ZC3H4: variants seen among roughly 807,000 people sequenced by gnomAD.
ZC3H4 encodes the protein zinc finger CCCH domain-containing protein 4.
A neutral mutation model predicts 108.3 loss-of-function variants in ZC3H4; 13 were observed. The ratio of observed to expected loss-of-function variants is 0.12; its 90% confidence interval spans 0.08 to 0.19. The LOEUF is 0.19. Among genes scored for constraint, ZC3H4 ranks in the 10% least tolerant of loss-of-function variants. The pLI is 1.00. For missense variants in ZC3H4, 1,734 were observed against 1,838.8 expected (o/e 0.94, Z 1.04); for synonymous variants, 917 against 749.6 (o/e 1.22, Z -3.65).
rs138151852 is a variant in ZC3H4, at chr19:47,090,172, G to A, written c.510C>T (p.Pro170=). 5 of 1,614,208 alleles carry A rather than the reference G, an allele frequency of 3.1e-6. No homozygotes were observed. Among genetic ancestry groups the A allele is most frequent in the African/African-American group, 1.3e-5 (1 of 75,052 alleles). The stretch of plus-strand genomic sequence containing the variant: ...TGGGCAGGGGCGTGGCATGCGATGG[G>A]GGGTACTGCTGGTGGGACTGCGTCC... ...PPYAPSHQQY[P]PSHATPLPKK... is the part of the protein sequence containing the mutation. Residue 170 remains proline, a synonymous_variant, in exon 5 of 15, where the codon CCC becomes CCT. Transcript: ENST00000253048.
intron 2 of ZC3H4, among the ~76,000 whole-genome samples, chr19:47,100,881 A>G (rs1568565474): frequency 6.6e-6 from 1 of 151,956 alleles, no homozygotes; most frequent in African/African-American, 2.4e-5. Context: ...TATTTTTAGT[A>G]GAAACAGGGT....
intron 13 of ZC3H4, 35 bp from the exon 14 acceptor site, chr19:47,069,378 A>G (rs1407595893): frequency 2.5e-6 from 4 of 1,597,172 alleles, no homozygotes; most frequent in Non-Finnish European, 3.4e-6. Flanking sequence ...TCATGTCGGG[A>G]AGGGCCTCCA....
At chr19:47,094,352 GC>G (rs759606093) in intron 3 of ZC3H4, 36 bp downstream of exon 3, 49 of 1,610,270 alleles carry the variant, frequency 3.0e-5, no homozygotes, top group Non-Finnish European at 3.6e-5. Context: ...CAGGCCCAAT[GC>G]CAGGCAGTGG....
rs2057511953 is a variant in ZC3H4 at position 47,081,011 on chromosome 19, TC to T, written c.1440+501del. Among the ~76,000 whole-genome samples the T allele has an allele frequency of 2.6e-5, 4 of 152,230 alleles. No homozygotes were observed. The South Asian group carries it at 8.3e-4, about 32-fold the overall frequency. The stretch of plus-strand genomic sequence containing the variant: ...TACAACTGATCTGCCTGCCTTGGCC[TC>T]CCAAAGTGCTGGGATTACAGGCATA... On this transcript the variant is annotated intron_variant, in intron 11 of 14. Transcript: ENST00000253048.
At position 47,067,339 on chromosome 19, in the gene ZC3H4, C is replaced by A; in HGVS notation, c.2929G>T (p.Val977Leu). 1 of 1,601,364 alleles carries A rather than the reference C, an allele frequency of 6.2e-7. No individual in the cohort carries two copies. The highest frequency in any genetic ancestry group is 8.5e-7 in the Non-Finnish European group (1 of 1,172,962). Residue 977 changes from valine to leucine, a missense_variant, in exon 15 of 15, where the codon GTG (valine) becomes TTG (leucine). Transcript: ENST00000253048. This position sits in a 1 kb window ranked among gnomAD's most constrained non-coding sequence, Gnocchi z 6.4. ...ATCAGGTCCTCGGGATTCCAGAGCACGGTGCGGGCGAAGCTGGGCTTGCTC... is the reference window on the plus strand; with the variant it reads ...ATCAGGTCCTCGGGATTCCAGAGCAAGGTGCGGGCGAAGCTGGGCTTGCTC... ...TLSKPSFART[V>L]LWNPEDLIPL...
At chr19:47,086,569 G>A in intron 5 of ZC3H4, 31 bp from the exon 6 acceptor site, 5 of 1,550,824 alleles carry the variant, frequency 3.2e-6, no homozygotes, top group African/African-American at 1.4e-5. Flanking sequence ...TGAGCCTCCA[G>A]CAGGAGCAGA....
intron 4 of ZC3H4, among the ~76,000 whole-genome samples, chr19:47,092,612 T>A (rs1437790363): frequency 1.4e-5 from 2 of 147,762 alleles, no homozygotes; most frequent in South Asian, 2.2e-4. Context: ...AGGTCAGGAG[T>A]TCGAGGCCAG....
intron 2 of ZC3H4, among the ~76,000 whole-genome samples, chr19:47,110,738 G>A (rs1438177354): frequency 2.0e-5 from 3 of 152,214 alleles, no homozygotes; most frequent in African/African-American, 7.2e-5. Flanking sequence ...CCTGCCCCCG[G>A]AGAGGGGGCC....
intron 2 of ZC3H4, among the ~76,000 whole-genome samples, chr19:47,102,167 C>T (rs1478924991): frequency 6.6e-6 from 1 of 152,230 alleles, no homozygotes; most frequent in African/African-American, 2.4e-5. Flanking sequence ...CAGGCCTCCA[C>T]ACTCCTCACC....
intron 11 of ZC3H4, among the ~76,000 whole-genome samples, chr19:47,077,828 G>T: frequency 6.8e-6 from 1 of 146,640 alleles, no homozygotes; most frequent in African/African-American, 2.6e-5. Flanking sequence ...CTGTGCTCCA[G>T]CCTGGGCAAC....
At chr19:47,086,911 C>A (rs969158033) in intron 5 of ZC3H4, among the ~76,000 whole-genome samples, 2 of 152,006 alleles carry the variant, frequency 1.3e-5, no homozygotes, top group Non-Finnish European at 2.9e-5. Flanking sequence ...GACAAGCTAG[C>A]CCTGTAGTTT....
Position 47,086,483 on chromosome 19 carries a change from T to G in ZC3H4, c.771A>C (p.Arg257=), listed in dbSNP as rs2057627577. ...YRGRGSRGGS[R]GRGMGRGSRG... is the part of the protein sequence containing the mutation. ...GGCTGCCCCTGCCCATGCCGCGGCC[T>G]CGCGATCCTCCACGGCTTCCTCGGC... Residue 257 remains arginine (R), a synonymous_variant, in exon 6 of 15, where the codon CGA becomes CGC. Coordinates refer to ENST00000253048, the MANE Select transcript of ZC3H4 (RefSeq NM_015168.2). 1.9e-6 allele frequency: 3 copies of G among 1,609,386 alleles called. No individual in the cohort carries two copies. Among genetic ancestry groups the G allele is most frequent in the Non-Finnish European group, 2.5e-6 (3 of 1,179,338 alleles).
intron 2 of ZC3H4, among the ~76,000 whole-genome samples, chr19:47,109,794 T>C (rs2058014730): frequency 6.6e-6 from 1 of 152,196 alleles, no homozygotes; most frequent in South Asian, 2.1e-4. Context: ...CAGGGTTCTC[T>C]AAGTATGTCA....
chr19:47,082,721 A>G (rs1044587193), intron 9 of ZC3H4, among the ~76,000 whole-genome samples: 8 of 152,350 alleles, frequency 5.3e-5, no homozygotes, highest in African/African-American at 1.9e-4. Context: ...GACAAAAGCC[A>G]TATGTTTAAA....
chr19:47,105,931 A>G lies in ZC3H4; in HGVS notation c.161+6493T>C, dbSNP rs138363693. ...ACCAGATCCACCACAGTATAATGGT[A>G]TGTATAGAGATGGGGTCTGAGTACC... On this transcript the variant is annotated intron_variant, in intron 2 of 14. Transcript: ENST00000253048. Among the ~76,000 whole-genome samples, 281 of 152,332 alleles carry G rather than the reference A, an allele frequency of 1.8e-3. 2 individuals carry two copies. Among genetic ancestry groups the G allele is most frequent in the African/African-American group, 6.5e-3 (272 of 41,588 alleles).
Position 47,066,325 on chromosome 19 carries a change from G to A in ZC3H4, c.*31C>T. 2.0e-6 allele frequency: 3 copies of A among 1,476,610 alleles called. No homozygotes were observed. Among genetic ancestry groups the A allele is most frequent in the Non-Finnish European group, 2.7e-6 (3 of 1,111,628 alleles). 91.5% of individuals were successfully genotyped at this position (1,476,610 alleles called of 1,614,324 possible). On this transcript the variant is annotated 3_prime_UTR_variant, in exon 15 of 15. Transcript: ENST00000253048. ...GCTGCCCTGAATGCCACCCTAGGAAGGGTGGCTGGAGCCGCAGCTCTGGCT... is the reference window on the plus strand; with the variant it reads ...GCTGCCCTGAATGCCACCCTAGGAAAGGTGGCTGGAGCCGCAGCTCTGGCT...
At chr19:47,078,849 ACT>A (rs1392829669) in intron 11 of ZC3H4, among the ~76,000 whole-genome samples, 1 of 151,864 alleles carries the variant, frequency 6.6e-6, no homozygotes, top group Non-Finnish European at 1.5e-5. Context: ...AAAGAGTGAA[ACT>A]CCGTCTCAAA....
In ZC3H4 at chr19:47,066,425, C is replaced by A; in HGVS notation, c.3843G>T (p.Glu1281Asp). ...CATCCTTCAGGGATGCCGCATCCTG[C>A]TCACCCTCGCGGGCCGGACTGTTCC... ...FAGNSPAREG[E>D]QDAASLKDVF... Residue 1281 changes from glutamate (E) to aspartate (D), a missense_variant, in exon 15 of 15, where the codon GAG becomes GAT. Physicochemically the swap from Glu to Asp is conservative, Grantham distance 45. This residue lies in a region of ZC3H4 where 518 missense variants were observed against 499.6 expected (regional missense o/e 1.04). Transcript: ENST00000253048. 6.4e-7 allele frequency: 1 copy of A among 1,570,450 alleles called. No homozygotes were observed. The highest frequency in any genetic ancestry group is 1.9e-5 in the Admixed American group (1 of 51,816).
At chr19:47,090,322 G>T in intron 4 of ZC3H4, 133 bp from the exon 5 acceptor site, 2 of 951,316 alleles carry the variant, frequency 2.1e-6, no homozygotes, top group Non-Finnish European at 3.1e-6. Context: ...TGCACTGCTG[G>T]TCTCCAGCCC....
Sources: gnomAD v4.1 joint callset for allele counts (sites outside exome capture counted in the v4.1 genomes callset) on GRCh38, gnomAD v4.1.1 for gene constraint, gnomAD v4.1.1 regional missense constraint, Gnocchi (gnomAD v3.1) non-coding constraint, MANE v1.5 for transcripts, NCBI Gene and HGNC (gene_info 2026-07-23, HGNC 2026-07-21) for gene names.